Variants in FLNB observed in about 807,000 individuals in gnomAD.
FLNB encodes the protein filamin-B.
FLNB carries 111 observed loss-of-function variants against 250.6 expected under a neutral mutation model. The ratio of observed to expected loss-of-function variants is 0.44; its 90% CI spans 0.38 to 0.52. The LOEUF (loss-of-function observed/expected upper bound fraction) is 0.52. Among genes scored for constraint, FLNB ranks in the 20% least tolerant of loss-of-function variants. FLNB has a pLI of 0.00. For missense variants in FLNB, 2,869 were observed against 3,447.8 expected (o/e 0.83, Z 4.20); for synonymous variants, 1,302 against 1,372.1 (o/e 0.95, Z 1.13).
At chr3:58,070,039 CTCTT>C (rs377565373) in intron 1 of FLNB, among the ~76,000 whole-genome samples, 11 of 137,512 alleles carry the variant, frequency 8.0e-5, no homozygotes, top group Non-Finnish European at 1.5e-4. Flanking sequence ...TTGTGCTTGA[CTCTT>C]TCTTTCTTTT....
chr3:58,075,736 AGG>A (rs1483012416), intron 1 of FLNB, among the ~76,000 whole-genome samples: 1 of 152,200 alleles, frequency 6.6e-6, no homozygotes, highest in Non-Finnish European at 1.5e-5. Context: ...AGAGTTAGGT[AGG>A]GATAGAATTG....
intron 1 of FLNB, among the ~76,000 whole-genome samples, chr3:58,024,486 C>A (rs2097119842): frequency 6.6e-6 from 1 of 152,018 alleles, no homozygotes; most frequent in African/African-American, 2.4e-5. Context: ...ATTCCTGGAC[C>A]TGGGGGTGGT....
intron 1 of FLNB, among the ~76,000 whole-genome samples, chr3:58,015,121 A>G (rs1457351202): frequency 6.6e-6 from 1 of 152,186 alleles, no homozygotes; most frequent in African/African-American, 2.4e-5. Context: ...GACTGTCTGG[A>G]TTCTAATCCG....
chr3:58,060,869 CA>C (rs1269781730), intron 1 of FLNB, among the ~76,000 whole-genome samples: 1 of 150,192 alleles, frequency 6.7e-6, no homozygotes, highest in Non-Finnish European at 1.5e-5. Context: ...CCATCTTTTG[CA>C]ATGTAATCTT....
At chr3:58,044,233 T>TA (rs2097150238) in intron 1 of FLNB, among the ~76,000 whole-genome samples, 1 of 152,184 alleles carries the variant, frequency 6.6e-6, no homozygotes. Flanking sequence ...TGTTAGCTGA[T>TA]GGCCCAGAAG....
intron 1 of FLNB, among the ~76,000 whole-genome samples, chr3:58,061,423 T>C (rs1420272615): frequency 2.0e-5 from 3 of 152,156 alleles, no homozygotes; most frequent in Non-Finnish European, 4.4e-5. Flanking sequence ...TATGTCAAGA[T>C]TTATTATAAA....
intron 1 of FLNB, among the ~76,000 whole-genome samples, chr3:58,032,429 G>C (rs184601005): frequency 1.3e-5 from 2 of 152,290 alleles, no homozygotes; most frequent in African/African-American, 4.8e-5. Context: ...GCTTGTGAAC[G>C]TGGCAGACTT....
chr3:58,151,390 T>C (rs1172105762), intron 38 of FLNB: 3 of 30,974 alleles, frequency 9.7e-5, no homozygotes, highest in Non-Finnish European at 1.5e-4. Context: ...AGACTCCTTC[T>C]CAAAAAAAAA....
chr3:58,126,528 G>A, intron 23 of FLNB, 74 bp from the exon 24 acceptor site: 1 of 1,437,492 alleles, frequency 7.0e-7, no homozygotes, highest in Non-Finnish European at 9.8e-7. Flanking sequence ...AAGGGAATTT[G>A]CATGAATTTT....
intron 18 of FLNB, among the ~76,000 whole-genome samples, chr3:58,118,651 G>A (rs1178136152): frequency 3.3e-5 from 5 of 152,204 alleles, no homozygotes; most frequent in African/African-American, 1.2e-4. Context: ...TGCTCATTAA[G>A]TTGCTTCTGT....
intron 29 of FLNB, among the ~76,000 whole-genome samples, chr3:58,139,238 C>T (rs1408782154): frequency 6.6e-6 from 1 of 152,160 alleles, no homozygotes; most frequent in Non-Finnish European, 1.5e-5. Context: ...ACCTTGGGGA[C>T]ATTACCTCAT....
At chr3:58,094,532 C>T (rs752724649) in intron 4 of FLNB, among the ~76,000 whole-genome samples, 6 of 152,232 alleles carry the variant, frequency 3.9e-5, no homozygotes, top group African/African-American at 7.2e-5. Flanking sequence ...CTCCTCCCTG[C>T]TGTGTTGCTT....
chr3:58,123,548 C>CG lies in FLNB; in HGVS notation c.3583dup (p.Val1195GlyfsTer60), dbSNP rs748724324. ...AAGATGGCACCTACGCGGTGACCTACGTGCCCCTGACGGCCGGCATGTACA... is the reference window on the plus strand; with the variant it reads ...AAGATGGCACCTACGCGGTGACCTACGGTGCCCCTGACGGCCGGCATGTACA... On this transcript the variant is annotated frameshift_variant, in exon 21 of 46. Transcript: ENST00000295956. LOFTEE classifies it high-confidence loss of function. 6.2e-6 allele frequency: 10 copies of CG among 1,608,766 alleles called. No individual in the cohort carries two copies. The highest frequency in any genetic ancestry group is 7.6e-6 in the Non-Finnish European group (9 of 1,177,880).
chr3:58,103,050 C>A (rs1017246536), intron 9 of FLNB, among the ~76,000 whole-genome samples: 1 of 152,178 alleles, frequency 6.6e-6, no homozygotes, highest in African/African-American at 2.4e-5. Flanking sequence ...GAATCTTGAG[C>A]TTCCTGTACC....
At position 58,124,397 on chromosome 3, in the gene FLNB, G is replaced by A; in HGVS notation, c.3790G>A (p.Asp1264Asn). ...TCGGCCGCTGACCCAGGTTGGGGGTGACCACATCAAGGCCCACATTGCCAA... is the reference window on the plus strand; with the variant it reads ...TCGGCCGCTGACCCAGGTTGGGGGTAACCACATCAAGGCCCACATTGCCAA... ...DSRPLTQVGG[D>N]HIKAHIANPS... The change falls in exon 22 of 46, where the codon GAC (aspartate) becomes AAC (asparagine). Residue 1264 changes from aspartate (D) to asparagine (N), a missense_variant. Coordinates refer to ENST00000295956, the MANE Select transcript of FLNB (RefSeq NM_001457.4). 1 of 1,614,202 alleles carries A rather than the reference G, an allele frequency of 6.2e-7. No homozygotes were observed. The highest frequency in any genetic ancestry group is 8.5e-7 in the Non-Finnish European group (1 of 1,180,032).
At chr3:58,099,217 A>G (rs1246541916) in intron 8 of FLNB, among the ~76,000 whole-genome samples, 3 of 152,220 alleles carry the variant, frequency 2.0e-5, no homozygotes, top group Non-Finnish European at 4.4e-5. Flanking sequence ...AGGACTCGGT[A>G]GCATAACTGA....
At chr3:58,040,155 C>T (rs1397519551) in intron 1 of FLNB, among the ~76,000 whole-genome samples, 1 of 152,124 alleles carries the variant, frequency 6.6e-6, no homozygotes, top group Non-Finnish European at 1.5e-5. Flanking sequence ...AGAAGCAAGC[C>T]AGATCTTTGG....
intron 1 of FLNB, among the ~76,000 whole-genome samples, chr3:58,054,498 TG>T (rs1401028890): frequency 8.5e-5 from 13 of 152,178 alleles, no homozygotes; most frequent in Admixed American, 7.9e-4. Flanking sequence ...TCCACAGGGC[TG>T]GGGAAGTCTC....
intron 12 of FLNB, 41 bp downstream of exon 12, chr3:58,106,914 C>T (rs372241366): frequency 6.4e-7 from 1 of 1,568,650 alleles, no homozygotes; most frequent in South Asian, 1.1e-5. Flanking sequence ...GTCCCTGGCC[C>T]CTGGTTCCTC....
Sources: gnomAD v4.1 joint callset for allele counts (sites outside exome capture counted in the v4.1 genomes callset) on GRCh38, gnomAD v4.1.1 for gene constraint, MANE v1.5 for transcripts, NCBI Gene and HGNC (gene_info 2026-07-23, HGNC 2026-07-21) for gene names.